IPPK: variants seen among roughly 807,000 people sequenced by gnomAD.
The protein encoded by IPPK is IPK1 homolog.
In IPPK, 22 loss-of-function variants were observed where a neutral mutation model predicts 64.6. The ratio of observed to expected loss-of-function variants is 0.34; its 90% CI spans 0.24 to 0.49. The LOEUF (loss-of-function observed/expected upper bound fraction) is 0.49, where lower values mean the gene tolerates loss of function less well. Among genes scored for constraint, IPPK ranks in the 20% least tolerant of loss-of-function variants. IPPK has a pLI of 0.99. For missense variants in IPPK, 532 were observed against 630.7 expected (o/e 0.84, Z 1.68); for synonymous variants, 262 against 247.2 (o/e 1.06, Z -0.56).
chr9:92,650,932 C>T (rs935413899), intron 4 of IPPK, among the ~76,000 whole-genome samples: 1 of 152,146 alleles, frequency 6.6e-6, no homozygotes, highest in African/African-American at 2.4e-5. Context: ...AGGCTTTCCT[C>T]CTTTAACATA....
At chr9:92,629,484 G>C (rs1039811587) in intron 11 of IPPK, among the ~76,000 whole-genome samples, 11 of 151,956 alleles carry the variant, frequency 7.2e-5, no homozygotes, top group African/African-American at 2.7e-4. Flanking sequence ...GGGCACGGTG[G>C]CTCACACCTG....
chr9:92,628,986 G>A (rs368715214), intron 11 of IPPK, among the ~76,000 whole-genome samples: 6 of 152,196 alleles, frequency 3.9e-5, no homozygotes, highest in African/African-American at 1.4e-4. Flanking sequence ...AGCTACAGGG[G>A]AGGTTGAGGC....
Position 92,653,299 on chromosome 9 carries a change from C to T in IPPK, c.226-660G>A, listed in dbSNP as rs992528144. Among the ~76,000 whole-genome samples the T allele has an allele frequency of 3.3e-5, 5 of 152,158 alleles. 1 individual carries two copies. The highest frequency in any genetic ancestry group is 3.3e-4 in the Admixed American group (5 of 15,288). ...TTGTGACTTCTGAAAAAGTCCCAAACGGACACAGGAGATCTGCTAGGCTAA... is the reference window on the plus strand; with the variant it reads ...TTGTGACTTCTGAAAAAGTCCCAAATGGACACAGGAGATCTGCTAGGCTAA... On this transcript the variant is annotated intron_variant, in intron 3 of 12. Coordinates refer to ENST00000287996, the MANE Select transcript of IPPK (RefSeq NM_022755.6).
intron 8 of IPPK, among the ~76,000 whole-genome samples, chr9:92,639,169 C>T (rs1852000871): frequency 6.6e-6 from 1 of 152,242 alleles, no homozygotes. Flanking sequence ...CCACCTCAGG[C>T]TCCCAAGTAG....
chr9:92,654,600 T>C (rs531680145), intron 3 of IPPK, among the ~76,000 whole-genome samples: 1 of 152,260 alleles, frequency 6.6e-6, no homozygotes, highest in African/African-American at 2.4e-5. Flanking sequence ...CACCATCCAA[T>C]CACGTGAGGA....
intron 4 of IPPK, among the ~76,000 whole-genome samples, chr9:92,651,901 T>TTTTG (rs1041812457): frequency 6.6e-6 from 1 of 151,880 alleles, no homozygotes; most frequent in African/African-American, 2.4e-5. Flanking sequence ...CATATATATA[T>TTTTG]TTTGTTTGTT....
At chr9:92,650,301 C>A (rs1587638207) in intron 4 of IPPK, among the ~76,000 whole-genome samples, 1 of 151,696 alleles carries the variant, frequency 6.6e-6, no homozygotes, top group African/African-American at 2.4e-5. Flanking sequence ...GCACTACCGC[C>A]TGGCGAAGGA....
At chr9:92,632,872 G>A (rs1483842838) in intron 11 of IPPK, among the ~76,000 whole-genome samples, 2 of 152,206 alleles carry the variant, frequency 1.3e-5, no homozygotes, top group African/African-American at 4.8e-5. Flanking sequence ...AGGGCAAGTG[G>A]GTCCCAGGGC....
At chr9:92,654,984 G>C (rs543777084) in intron 3 of IPPK, among the ~76,000 whole-genome samples, 1 of 152,350 alleles carries the variant, frequency 6.6e-6, no homozygotes, top group East Asian at 1.9e-4. Context: ...CAGTATGTAA[G>C]GAGCAACAGT....
At chr9:92,637,079 G>C (rs551822114) in intron 9 of IPPK, among the ~76,000 whole-genome samples, 55 of 152,262 alleles carry the variant, frequency 3.6e-4, no homozygotes, top group African/African-American at 1.1e-3. Context: ...CTAGCACTTT[G>C]AGAGTCCAAG....
Position 92,627,944 on chromosome 9 carries a change from TA to T in IPPK, c.1170+6441del, listed in dbSNP as rs1393333298. 2.0e-5 allele frequency among the ~76,000 whole-genome samples: 3 copies of T among 152,242 alleles called. No homozygotes were observed. In the South Asian group the frequency reaches 6.2e-4, roughly 32 times the overall value. On this transcript the variant is annotated intron_variant, in intron 11 of 12. Transcript: ENST00000287996. Reference sequence around the variant, plus strand: ...ACATGATCTTAAATAGAGAGAATCCTAAAAAAATCCACTAAAAAACTATTAG... The same window carrying T: ...ACATGATCTTAAATAGAGAGAATCCTAAAAAATCCACTAAAAAACTATTAG...
intron 6 of IPPK, among the ~76,000 whole-genome samples, chr9:92,645,972 T>A (rs1852143084): frequency 6.6e-6 from 1 of 152,168 alleles, no homozygotes; most frequent in Admixed American, 6.6e-5. Context: ...AAAGAAGGTA[T>A]AAACACATTT....
At chr9:92,644,509 G>A (rs1301045616) in intron 6 of IPPK, among the ~76,000 whole-genome samples, 2 of 151,978 alleles carry the variant, frequency 1.3e-5, no homozygotes, top group Admixed American at 6.5e-5. Context: ...ACTTGCAAGC[G>A]TTCCCGGAAA....
chr9:92,619,716 G>A (rs1044684986), intron 11 of IPPK, 151 bp from the exon 12 acceptor site: 54 of 691,492 alleles, frequency 7.8e-5, no homozygotes, highest in Non-Finnish European at 1.1e-4. Context: ...GAGCACGGGC[G>A]TCAGGAGGTC....
At chr9:92,652,706 T>A in intron 3 of IPPK, 67 bp from the exon 4 acceptor site, 1 of 783,426 alleles carries the variant, frequency 1.3e-6, no homozygotes. Context: ...GCCACAGAAC[T>A]GCATGCCTAA....
chr9:92,617,688 C>T (rs1851486302), intron 12 of IPPK: 1 of 156,018 alleles, frequency 6.4e-6, no homozygotes. Flanking sequence ...ACCGGGGGAC[C>T]AGCAGCCTCC....
rs778152255 is a variant in IPPK at position 92,635,416 on chromosome 9, G to T, written c.917-108C>A. ...GGCTCATCCTGGGCTCCGCCATACG[G>T]GCATCACCACAGGCAAGGACTGCAC... On this transcript the variant is annotated intron_variant, in intron 9 of 12. Transcript: ENST00000287996. This position sits in a 1 kb window ranked among gnomAD's most constrained non-coding sequence, Gnocchi z 4.4. 46 of 1,210,552 alleles carry T rather than the reference G, an allele frequency of 3.8e-5. No homozygotes were observed. Among genetic ancestry groups the T allele is most frequent in the Middle Eastern group, 4.2e-4 (2 of 4,804 alleles). 75.0% of individuals were successfully genotyped at this position (1,210,552 alleles called of 1,614,324 possible).
chr9:92,643,761 C>T (rs567111499), intron 6 of IPPK, among the ~76,000 whole-genome samples: 62 of 152,312 alleles, frequency 4.1e-4, no homozygotes, highest in African/African-American at 1.4e-3. Flanking sequence ...TGTGTGTATG[C>T]ACGTACAGGC....
At chr9:92,669,681 G>C (rs1852683965) in intron 1 of IPPK, among the ~76,000 whole-genome samples, 1 of 152,074 alleles carries the variant, frequency 6.6e-6, no homozygotes, top group Admixed American at 6.5e-5. Context: ...AGAAGGATCT[G>C]GGGCAATGGG....
Sources: gnomAD v4.1 joint callset for allele counts (sites outside exome capture counted in the v4.1 genomes callset) on GRCh38, gnomAD v4.1.1 for gene constraint, Gnocchi (gnomAD v3.1) non-coding constraint, MANE v1.5 for transcripts, NCBI Gene and HGNC (gene_info 2026-07-23, HGNC 2026-07-21) for gene names.